MCTP1: variants seen among roughly 807,000 people sequenced by gnomAD.
MCTP1 encodes the protein multiple C2 and transmembrane domain containing 1.
In MCTP1, 69 loss-of-function variants were observed where a neutral mutation model predicts 120.6. That is an observed-to-expected ratio of 0.57 (90% confidence interval 0.47 to 0.70). The LOEUF (loss-of-function observed/expected upper bound fraction) is 0.70, where lower values mean the gene tolerates loss of function less well. MCTP1 is among the 30% of genes least tolerant of loss of function. MCTP1 has a pLI of 0.00. For missense variants in MCTP1, 1,203 were observed against 1,248.8 expected (o/e 0.96, Z 0.55); for synonymous variants, 529 against 493.1 (o/e 1.07, Z -0.96).
chr5:94,828,129 C>A (rs1580900321), intron 17 of MCTP1, among the ~76,000 whole-genome samples: 1 of 152,110 alleles, frequency 6.6e-6, no homozygotes, highest in South Asian at 2.1e-4. Flanking sequence ...TTGGTGACTT[C>A]GGATGGAGTT....
chr5:94,788,125 C>A (rs557312363), intron 18 of MCTP1, among the ~76,000 whole-genome samples: 1 of 152,174 alleles, frequency 6.6e-6, no homozygotes, highest in Admixed American at 6.5e-5. Context: ...TTTAGGTAAA[C>A]TGACTTTCTC....
chr5:94,796,380 G>T (rs2153005279), intron 18 of MCTP1, among the ~76,000 whole-genome samples: 1 of 151,816 alleles, frequency 6.6e-6, no homozygotes, highest in South Asian at 2.1e-4. Context: ...TGTGATTAAT[G>T]CACCTCGGAG....
intron 1 of MCTP1, among the ~76,000 whole-genome samples, chr5:95,147,322 G>A (rs1403491427): frequency 4.6e-5 from 7 of 152,126 alleles, no homozygotes; most frequent in South Asian, 2.1e-4. Flanking sequence ...TCCTGACCTC[G>A]TGATCCACCT....
intron 5 of MCTP1, among the ~76,000 whole-genome samples, chr5:94,934,737 G>GTTTTTTTTTTT (rs3030499): frequency 7.3e-6 from 1 of 136,584 alleles, no homozygotes; most frequent in Non-Finnish European, 1.6e-5. Flanking sequence ...AGATAAAGAA[G>GTTTTTTTTTTT]TTTTTTTTTT....
chr5:95,159,606 G>C (rs1745497157), intron 1 of MCTP1, among the ~76,000 whole-genome samples: 1 of 151,986 alleles, frequency 6.6e-6, no homozygotes, highest in African/African-American at 2.4e-5. Context: ...ATATATCTTA[G>C]GATTTTATAA....
intron 17 of MCTP1, among the ~76,000 whole-genome samples, chr5:94,801,238 G>A (rs962509777): frequency 3.9e-5 from 6 of 152,154 alleles, no homozygotes; most frequent in Admixed American, 3.9e-4. Flanking sequence ...AGTACTTGGG[G>A]CATAGCAAGT....
intron 1 of MCTP1, among the ~76,000 whole-genome samples, chr5:95,097,797 G>A (rs556154151): frequency 3.2e-4 from 49 of 152,098 alleles, no homozygotes; most frequent in Non-Finnish European, 6.5e-4. Flanking sequence ...ATCAAAGCAC[G>A]AAGAAAAGAA....
intron 1 of MCTP1, among the ~76,000 whole-genome samples, chr5:95,160,426 T>G (rs1473307720): frequency 7.9e-5 from 12 of 152,216 alleles, no homozygotes. Flanking sequence ...TAGCTAACAT[T>G]AATAGAACAT....
At chr5:95,144,805 A>T (rs570815225) in intron 1 of MCTP1, among the ~76,000 whole-genome samples, 1 of 152,186 alleles carries the variant, frequency 6.6e-6, no homozygotes, top group African/African-American at 2.4e-5. Flanking sequence ...TTTGGTTACT[A>T]TAGCCTTGTA....
chr5:95,047,009 G>A (rs1312185124), intron 1 of MCTP1, among the ~76,000 whole-genome samples: 2 of 152,104 alleles, frequency 1.3e-5, no homozygotes, highest in Non-Finnish European at 2.9e-5. Context: ...TAACTGTTTG[G>A]TTCACTCCTC....
chr5:94,875,018 A>G (rs1798538304), intron 12 of MCTP1, among the ~76,000 whole-genome samples: 1 of 152,144 alleles, frequency 6.6e-6, no homozygotes, highest in African/African-American at 2.4e-5. Flanking sequence ...GCAGTGTTCT[A>G]TTTGTTGGGG....
chr5:94,950,165 T>G (rs565427260), intron 3 of MCTP1, among the ~76,000 whole-genome samples: 1 of 152,264 alleles, frequency 6.6e-6, no homozygotes, highest in East Asian at 1.9e-4. Flanking sequence ...TTGTATATAA[T>G]AAAGTGACAT....
At chr5:94,951,589 T>C (rs958997167) in intron 3 of MCTP1, among the ~76,000 whole-genome samples, 1 of 152,252 alleles carries the variant, frequency 6.6e-6, no homozygotes, top group African/African-American at 2.4e-5. Flanking sequence ...GCCATTGCTC[T>C]AACTCATGTC....
intron 19 of MCTP1, among the ~76,000 whole-genome samples, chr5:94,737,350 A>G (rs1353161895): frequency 1.3e-5 from 2 of 152,206 alleles, no homozygotes; most frequent in Non-Finnish European, 2.9e-5. Flanking sequence ...TCTAAGTAGA[A>G]GAGATAGGCT....
chr5:95,207,939 G>C (rs1751819928), intron 1 of MCTP1, among the ~76,000 whole-genome samples: 1 of 108,778 alleles, frequency 9.2e-6, no homozygotes, highest in Admixed American at 1.0e-4. Context: ...GAGAGAGAGA[G>C]AGAGAGAGGG....
Position 94,704,187 on chromosome 5 carries a change from ACAT to A in MCTP1, c.*3306_*3308del, listed in dbSNP as rs56996904. On this transcript the variant is annotated 3_prime_UTR_variant, in exon 23 of 23. Coordinates refer to ENST00000515393, the MANE Select transcript of MCTP1 (RefSeq NM_024717.7). Reference sequence around the variant, plus strand: ...ATACCCTAATCAAACCAACGAATAGACATCATCTGTACACTCACTCACACTAGA... The same window carrying A: ...ATACCCTAATCAAACCAACGAATAGACATCTGTACACTCACTCACACTAGA... 0.53 allele frequency: 80,047 copies of A among 150,766 alleles called. 21,368 individuals are homozygous for A. Among genetic ancestry groups the A allele is most frequent in the African/African-American group, 0.59 (24,369 of 41,176 alleles). The allele number at this position is 150,766 out of a possible 1,614,324, so 9.3% of individuals were successfully genotyped here. A position where few individuals can be genotyped will look rare whatever the true frequency, so the allele number is the denominator to read the frequency against.
At chr5:95,229,922 T>C (rs1754727082) in intron 1 of MCTP1, among the ~76,000 whole-genome samples, 1 of 152,060 alleles carries the variant, frequency 6.6e-6, no homozygotes, top group Admixed American at 6.5e-5. Context: ...CCACATATCT[T>C]CTTCCTGCTC....
chr5:95,025,025 A>G (rs928691661), intron 1 of MCTP1, among the ~76,000 whole-genome samples: 1 of 152,200 alleles, frequency 6.6e-6, no homozygotes, highest in Non-Finnish European at 1.5e-5. Context: ...TGCAATCTCT[A>G]TCATAATTTC....
intron 2 of MCTP1, among the ~76,000 whole-genome samples, chr5:95,009,978 T>A (rs577926185): frequency 6.6e-6 from 1 of 152,236 alleles, no homozygotes; most frequent in South Asian, 2.1e-4. Flanking sequence ...CCAAACCACA[T>A]TCTAGTGAAT....
Sources: gnomAD v4.1 joint callset for allele counts (sites outside exome capture counted in the v4.1 genomes callset) on GRCh38, gnomAD v4.1.1 for gene constraint, MANE v1.5 for transcripts, NCBI Gene and HGNC (gene_info 2026-07-23, HGNC 2026-07-21) for gene names.